The following RIN2 variants were observed in gnomAD, a reference collection of about 807,000 sequenced individuals.
The protein encoded by RIN2 is RAB5 interacting protein 2.
A neutral mutation model predicts 78.0 loss-of-function variants in RIN2; 36 were observed. The ratio of observed to expected loss-of-function variants is 0.46; its 90% CI spans 0.35 to 0.61. The LOEUF (loss-of-function observed/expected upper bound fraction) is 0.61. Among genes scored for constraint, RIN2 ranks in the 20% least tolerant of loss-of-function variants. The probability of loss-of-function intolerance (pLI) is 0.00; values close to 1 mark genes in which losing one functional copy is unlikely to be tolerated. For synonymous variants in RIN2, 466 were observed against 466.8 expected (o/e 1.00, Z 0.02); for missense variants, 1,087 against 1,159.7 (o/e 0.94, Z 0.91).
At chr20:19,780,933 A>C (rs973865869) in intron 1 of RIN2, among the ~76,000 whole-genome samples, 2 of 152,084 alleles carry the variant, frequency 1.3e-5, no homozygotes, top group Non-Finnish European at 1.5e-5. Context: ...AATAGGAAGG[A>C]AGTTCATTTT....
chr20:19,917,716 A>G (rs1035184222), intron 3 of RIN2, among the ~76,000 whole-genome samples: 1 of 152,006 alleles, frequency 6.6e-6, no homozygotes, highest in African/African-American at 2.4e-5. Flanking sequence ...CTATATTGAT[A>G]TATTGACATA....
At chr20:19,844,339 C>G (rs1416688684) in intron 2 of RIN2, among the ~76,000 whole-genome samples, 4 of 152,226 alleles carry the variant, frequency 2.6e-5, no homozygotes, top group African/African-American at 9.6e-5. Flanking sequence ...ACTGAAACCA[C>G]TCGAATATAA....
At chr20:19,874,330 C>G (rs1241340489) in intron 2 of RIN2, among the ~76,000 whole-genome samples, 1 of 152,164 alleles carries the variant, frequency 6.6e-6, no homozygotes, top group Non-Finnish European at 1.5e-5. Context: ...AATGAAAATG[C>G]TGTGACCAGG....
chr20:19,813,215 C>T (rs6081751), intron 2 of RIN2, among the ~76,000 whole-genome samples: 51,245 of 152,138 alleles, frequency 0.34, 10,906 homozygotes, highest in East Asian at 0.44. Flanking sequence ...GAATCAACTG[C>T]GTGCCTGCAG....
chr20:19,947,460 T>C (rs893641637), intron 4 of RIN2, among the ~76,000 whole-genome samples: 3 of 152,208 alleles, frequency 2.0e-5, no homozygotes, highest in South Asian at 2.1e-4. Flanking sequence ...CAGTTCTTTA[T>C]GTTTGGGAGA....
intron 2 of RIN2, among the ~76,000 whole-genome samples, chr20:19,861,678 CCCTCCGTATCTGATCAA>C (rs1266602942): frequency 6.7e-6 from 1 of 148,738 alleles, no homozygotes; most frequent in African/African-American, 2.5e-5. Context: ...CTGATGATGA[CCCTCCGTATCTGATCAA>C]CCTCCATATC....
intron 2 of RIN2, among the ~76,000 whole-genome samples, chr20:19,836,280 A>G (rs2036416904): frequency 6.6e-6 from 1 of 152,214 alleles, no homozygotes. Flanking sequence ...CTTCCAGGTA[A>G]ATTCTTGTTT....
rs774437809 is a variant in RIN2 at position 19,974,843 on chromosome 20, A to ATCCCCTTT, written c.821_828dup (p.Leu277ProfsTer4). ...ACCAACGGGGCCCTGTGCTTTATTA[A>ATCCCCTTT]TCCCCTTTTCTTGAAAGTGCACAGC... On this transcript the variant is annotated frameshift_variant, in exon 9 of 13. Transcript: ENST00000255006. LOFTEE classifies it high-confidence loss of function. 1.2e-6 allele frequency: 2 copies of ATCCCCTTT among 1,613,896 alleles called. No homozygotes were observed. The highest frequency in any genetic ancestry group is 1.7e-6 in the Non-Finnish European group (2 of 1,179,886).
intron 2 of RIN2, among the ~76,000 whole-genome samples, chr20:19,875,529 G>A (rs1433523677): frequency 1.3e-5 from 2 of 152,162 alleles, no homozygotes; most frequent in African/African-American, 2.4e-5. Context: ...TAGTCCCAAA[G>A]GAGTCTGAGG....
intron 6 of RIN2, among the ~76,000 whole-genome samples, chr20:19,962,546 C>A (rs2041799479): frequency 6.6e-6 from 1 of 152,192 alleles, no homozygotes; most frequent in Non-Finnish European, 1.5e-5. Flanking sequence ...CCCTAATCTT[C>A]TCCAGGTGAC....
At chr20:19,839,549 T>C (rs1436502382) in intron 2 of RIN2, among the ~76,000 whole-genome samples, 1 of 152,236 alleles carries the variant, frequency 6.6e-6, no homozygotes, top group African/African-American at 2.4e-5. Context: ...AGGGGCTATT[T>C]ACCCACTCAG....
At chr20:19,827,839 C>A (rs1334794335) in intron 2 of RIN2, among the ~76,000 whole-genome samples, 1 of 150,388 alleles carries the variant, frequency 6.6e-6, no homozygotes, top group Non-Finnish European at 1.5e-5. Context: ...GCTAGTCAAC[C>A]ACATTGTGTT....
chr20:19,954,309 T>A (rs1025946957), intron 4 of RIN2, among the ~76,000 whole-genome samples: 1 of 152,228 alleles, frequency 6.6e-6, no homozygotes, highest in African/African-American at 2.4e-5. Flanking sequence ...CACAGTTGAG[T>A]TCCTTTGGGT....
chr20:19,893,244 T>C (rs1020489593), intron 3 of RIN2, among the ~76,000 whole-genome samples: 1 of 152,188 alleles, frequency 6.6e-6, no homozygotes, highest in Non-Finnish European at 1.5e-5. Context: ...GGAGTGACTC[T>C]TGATGCTACC....
chr20:19,991,881 T>C (rs1034611942), intron 10 of RIN2, among the ~76,000 whole-genome samples: 1 of 152,248 alleles, frequency 6.6e-6, no homozygotes, highest in Non-Finnish European at 1.5e-5. Context: ...TTAACGAGTA[T>C]TCTGTTCTAT....
At chr20:19,847,339 C>G (rs2036818047) in intron 2 of RIN2, among the ~76,000 whole-genome samples, 1 of 152,224 alleles carries the variant, frequency 6.6e-6, no homozygotes, top group South Asian at 2.1e-4. Context: ...CAGTTCCTTA[C>G]TCTTCATCCC....
At chr20:19,837,867 T>C (rs561214258) in intron 2 of RIN2, among the ~76,000 whole-genome samples, 1 of 152,194 alleles carries the variant, frequency 6.6e-6, no homozygotes. Flanking sequence ...GAGTGAATGT[T>C]GAGAATTATC....
At chr20:19,920,798 C>T (rs1289112004) in intron 3 of RIN2, among the ~76,000 whole-genome samples, 1 of 152,118 alleles carries the variant, frequency 6.6e-6, no homozygotes, top group Non-Finnish European at 1.5e-5. Context: ...TGTCTCAGCC[C>T]CTGAGTAGCT....
chr20:19,976,171 T>C lies in RIN2; in HGVS notation c.1762+384T>C, dbSNP rs551740582. Among the ~76,000 whole-genome samples the C allele has an allele frequency of 2.1e-3, 314 of 152,350 alleles. 2 individuals carry two copies. The highest frequency in any genetic ancestry group is 2.4e-3 in the Non-Finnish European group (166 of 68,036). ...TATCTTCTGAGAGGCAGTGGGTATTTTGTTCTGTCTTGGTTGCAAGTAAAC... is the reference window on the plus strand; with the variant it reads ...TATCTTCTGAGAGGCAGTGGGTATTCTGTTCTGTCTTGGTTGCAAGTAAAC... On this transcript the variant is annotated intron_variant, in intron 9 of 12. Coordinates refer to ENST00000255006, the MANE Select transcript of RIN2 (RefSeq NM_018993.4).
Sources: gnomAD v4.1 joint callset for allele counts (sites outside exome capture counted in the v4.1 genomes callset) on GRCh38, gnomAD v4.1.1 for gene constraint, MANE v1.5 for transcripts, NCBI Gene and HGNC (gene_info 2026-07-23, HGNC 2026-07-21) for gene names.